The following APC variants were observed in gnomAD, a reference collection of about 807,000 sequenced individuals.
The protein encoded by APC is APC regulator of Wnt signaling pathway.
In APC, 72 loss-of-function variants were observed where a neutral mutation model predicts 247.0. The observed-to-expected ratio is 0.29, with a 90% confidence interval of 0.24 to 0.35. The LOEUF (loss-of-function observed/expected upper bound fraction) is 0.35. APC is among the 10% of genes least tolerant of loss of function. The pLI, the probability that APC is intolerant of heterozygous loss-of-function variation, is 1.00. For synonymous variants in APC, 1,254 were observed against 1,162.5 expected (o/e 1.08, Z -1.60); for missense variants, 3,400 against 3,360.7 (o/e 1.01, Z -0.29).
In APC at chr5:112,796,073, T is replaced by C. The variant is rs551002773; in HGVS notation, c.729+3544T>C. On this transcript the variant is annotated intron_variant, in intron 7 of 15. Coordinates refer to ENST00000257430, the MANE Select transcript of APC (RefSeq NM_000038.6). ...GGAGAGAAGCTGAGCATCAGTCATA[T>C]GTACCCAGAAACCCAAATGAACAAA... Among the ~76,000 whole-genome samples, 12 of 152,342 alleles carry C rather than the reference T, an allele frequency of 7.9e-5. No individual in the cohort carries two copies. In the South Asian group the frequency reaches 2.5e-3, roughly 32 times the overall value.
rs1057521822 is a variant in APC at position 112,841,606 on chromosome 5, A to G, written c.6012A>G (p.Ala2004=). The G allele has an allele frequency of 6.2e-7, 1 of 1,613,520 alleles. No homozygotes were observed. The highest frequency in any genetic ancestry group is 1.7e-5 in the Admixed American group (1 of 60,014). ...AGGGAGAACCAAGTAAACCTCAAGC[A>G]TCAGGCTATGCTCCTAAATCATTTC... The part of the protein sequence containing the change: ...DSQGEPSKPQ[A]SGYAPKSFHV... The change falls in exon 16 of 16, where the codon GCA becomes GCG. Residue 2004 remains alanine (A), a synonymous_variant. Transcript: ENST00000257430. The surrounding 1 kb of genome is among the most constrained non-coding windows in gnomAD (Gnocchi z 4.6).
chr5:112,843,365 C>T lies in APC; in HGVS notation c.7771C>T (p.His2591Tyr), dbSNP rs1114167572. 1 of 1,613,716 alleles carries T rather than the reference C, an allele frequency of 6.2e-7. No individual in the cohort carries two copies. The highest frequency in any genetic ancestry group is 1.3e-5 in the African/African-American group (1 of 74,902). ...AAAAGCAAAAAGTGAGGATGAAAAA[C>T]ATGTGAACTCTATTTCAGGAACCAA... ...SEKAKSEDEK[H>Y]VNSISGTKQS... The change falls in exon 16 of 16, where the codon CAT becomes TAT. Residue 2591 changes from histidine (H) to tyrosine (Y), a missense_variant. This residue lies in a region of APC where 1,788 missense variants were observed against 1,649.5 expected (regional missense o/e 1.08). Coordinates refer to ENST00000257430, the MANE Select transcript of APC (RefSeq NM_000038.6). The surrounding 1 kb of genome is among the most constrained non-coding windows in gnomAD (Gnocchi z 4.8).
chr5:112,831,714 G>T (rs915253156), intron 14 of APC, among the ~76,000 whole-genome samples: 2 of 152,008 alleles, frequency 1.3e-5, no homozygotes, highest in African/African-American at 4.8e-5. Flanking sequence ...TAAAGCTGTT[G>T]GTCCCTTACT....
At chr5:112,792,116 C>T (rs898124201) in intron 6 of APC, among the ~76,000 whole-genome samples, 1 of 151,992 alleles carries the variant, frequency 6.6e-6, no homozygotes, top group African/African-American at 2.4e-5. Flanking sequence ...CGTGGTGGTG[C>T]GCGCCTGTAG....
chr5:112,822,334 A>G (rs1763232099), intron 11 of APC, among the ~76,000 whole-genome samples: 1 of 152,186 alleles, frequency 6.6e-6, no homozygotes, highest in South Asian at 2.1e-4. Context: ...AATTTGAATT[A>G]TTTTGAAATG....
chr5:112,738,728 G>A (rs1383462247), intron 1 of APC, among the ~76,000 whole-genome samples: 3 of 152,132 alleles, frequency 2.0e-5, no homozygotes, highest in East Asian at 1.9e-4. Flanking sequence ...TTTACAAGAA[G>A]CCATAGTTTA....
rs189559436 is a variant in APC at position 112,717,855 on chromosome 5, T to A, written c.165+9973T>A. Among the ~76,000 whole-genome samples the A allele has an allele frequency of 1.4e-3, 213 of 150,760 alleles. 1 individual carries two copies. The highest frequency in any genetic ancestry group is 4.9e-3 in the African/African-American group (203 of 41,290). ...CTGTCATTTTGGGACTAGTTTAGTATGTTAGGCCTTCTTATCCTGTCTCTT... is the reference window on the plus strand; with the variant it reads ...CTGTCATTTTGGGACTAGTTTAGTAAGTTAGGCCTTCTTATCCTGTCTCTT... On this transcript the variant is annotated intron_variant, in intron 1 of 13. Coordinates refer to the APC transcript ENST00000507379.
rs186926737 is a variant in APC, at chr5:112,842,231, A to G, written c.6637A>G (p.Met2213Val). ...ATCTAATTCAGAAATTTCAGGCCAA[A>G]TGAAACAGCCCCTTCAAGCAAACAT... ...VRSNSEISGQ[M>V]KQPLQANMPS... is the part of the protein sequence containing the mutation. Residue 2213 changes from methionine to valine, a missense_variant, in exon 16 of 16, where the codon ATG becomes GTG. Physicochemically the swap from Met to Val is conservative, Grantham distance 21 (BLOSUM62 1). Transcript: ENST00000257430. 54 of 1,614,044 alleles carry G rather than the reference A, an allele frequency of 3.3e-5. No homozygotes were observed. The African/African-American group carries it at 4.9e-4, about 15-fold the overall frequency.
intron 8 of APC, among the ~76,000 whole-genome samples, chr5:112,809,401 T>C (rs75986063): frequency 2.6e-5 from 4 of 151,990 alleles, no homozygotes; most frequent in African/African-American, 4.8e-5. Context: ...CTATTAGATT[T>C]GGAATTGAGA....
chr5:112,729,047 A>T (rs1203344001), intron 1 of APC, among the ~76,000 whole-genome samples: 1 of 152,174 alleles, frequency 6.6e-6, no homozygotes, highest in Non-Finnish European at 1.5e-5. Flanking sequence ...GAAACGATCT[A>T]ATCTCCCATT....
rs761812531 is a variant in APC at position 112,841,079 on chromosome 5, A to C, written c.5485A>C (p.Asn1829His). 1 of 1,613,026 alleles carries C rather than the reference A, an allele frequency of 6.2e-7. No homozygotes were observed. The highest frequency in any genetic ancestry group is 8.5e-7 in the Non-Finnish European group (1 of 1,179,020). Residue 1829 changes from asparagine (N) to histidine (H), a missense_variant, in exon 16 of 16, where the codon AAT becomes CAT. Transcript: ENST00000257430. This position sits in a 1 kb window ranked among gnomAD's most constrained non-coding sequence, Gnocchi z 4.6. ...NSKVFNDKLP[N>H]NEDRVRGSFA... is the part of the protein sequence containing the mutation. ...CAAGGTCTTCAATGATAAGCTCCCA[A>C]ATAATGAAGATAGAGTCAGAGGAAG...
At chr5:112,767,517 A>T (rs1461912108) in intron 4 of APC, 127 bp downstream of exon 4, 1 of 729,270 alleles carries the variant, frequency 1.4e-6, no homozygotes, top group Non-Finnish European at 2.3e-6. Flanking sequence ...TGCATTTTTA[A>T]ACTCAAAGAT....
At chr5:112,812,212 C>T (rs1044538381) in intron 8 of APC, among the ~76,000 whole-genome samples, 9 of 152,074 alleles carry the variant, frequency 5.9e-5, no homozygotes, top group Admixed American at 4.6e-4. Flanking sequence ...TACAAAAACG[C>T]GTGAATACCA....
intron 2 of APC, among the ~76,000 whole-genome samples, chr5:112,766,045 T>G (rs905983046): frequency 1.6e-4 from 24 of 152,292 alleles, no homozygotes; most frequent in African/African-American, 5.3e-4. Flanking sequence ...GAGAATAATT[T>G]GCATTGTTGG....
In APC at chr5:112,844,077, C is replaced by T. The variant is rs1554089195; in HGVS notation, c.8483C>T (p.Thr2828Ile). The change falls in exon 16 of 16, where the codon ACC becomes ATC. Residue 2828 changes from threonine to isoleucine, a missense_variant. Coordinates refer to ENST00000257430, the MANE Select transcript of APC (RefSeq NM_000038.6). ...SKTDSTESSG[T>I]QSPKRHSGSY... ...ACTGACAGCACAGAATCCAGTGGAA[C>T]CCAAAGTCCTAAGCGCCATTCTGGG... 1.2e-6 allele frequency: 2 copies of T among 1,608,700 alleles called. No individual in the cohort carries two copies. The highest frequency in any genetic ancestry group is 1.7e-6 in the Non-Finnish European group (2 of 1,178,818).
At chr5:112,748,920 CTT>C (rs1225550356) in intron 1 of APC, among the ~76,000 whole-genome samples, 6 of 152,172 alleles carry the variant, frequency 3.9e-5, no homozygotes, top group African/African-American at 1.4e-4. Flanking sequence ...TTACTTGAGA[CTT>C]GAGCCAGGGA....
At chr5:112,807,270 T>G (rs1444254447) in intron 8 of APC, among the ~76,000 whole-genome samples, 1 of 152,194 alleles carries the variant, frequency 6.6e-6, no homozygotes, top group Admixed American at 6.5e-5. Flanking sequence ...GTTTGACAGT[T>G]TACTGTGGTA....
At position 112,820,849 on chromosome 5, in the gene APC, T is replaced by C. The variant is rs1273717633; in HGVS notation, c.1313-1047T>C. On this transcript the variant is annotated intron_variant, in intron 10 of 15. Transcript: ENST00000257430. ...TTGTATTAGAGATCACATTTGTACA[T>C]AGCCACATGCTTTTTTTCTCTGTTT... Among the ~76,000 whole-genome samples the C allele has an allele frequency of 3.9e-5, 6 of 152,250 alleles. No homozygotes were observed. The East Asian group carries it at 1.2e-3, about 29-fold the overall frequency.
chr5:112,711,280 C>CT (rs1307477375), intron 1 of APC, among the ~76,000 whole-genome samples: 1 of 152,206 alleles, frequency 6.6e-6, no homozygotes, highest in Admixed American at 6.5e-5. Flanking sequence ...TTATGAGAAT[C>CT]TAACTAATGC....
Sources: allele counts gnomAD v4.1 joint callset (sites outside exome capture counted in the v4.1 genomes callset), GRCh38; gene constraint gnomAD v4.1.1; regional missense constraint gnomAD v4.1.1; non-coding constraint Gnocchi (gnomAD v3.1); transcripts MANE v1.5; gene names NCBI Gene and HGNC (gene_info 2026-07-23, HGNC 2026-07-21).